The following NCKAP5 variants were observed in gnomAD, a reference collection of about 807,000 sequenced individuals.
NCKAP5 encodes the protein NCK associated protein 5, also known as nck-associated protein 5.
In NCKAP5, 92 loss-of-function variants were observed where a neutral mutation model predicts 167.0. The observed-to-expected ratio is 0.55, with a 90% CI of 0.47 to 0.66. The LOEUF (loss-of-function observed/expected upper bound fraction) is 0.66. NCKAP5 is among the 30% of genes least tolerant of loss of function. The pLI, the probability that NCKAP5 is intolerant of heterozygous loss-of-function variation, is 0.00. For missense variants in NCKAP5, 2,378 were observed against 2,315.0 expected (o/e 1.03, Z -0.56); for synonymous variants, 891 against 877.4 (o/e 1.02, Z -0.27).
chr2:133,431,569 T>C (rs1690163207), intron 3 of NCKAP5: 1 of 152,190 alleles, frequency 6.6e-6, no homozygotes, highest in Non-Finnish European at 1.5e-5. Context: ...TCTGCAGCTG[T>C]AAGCATGAAT....
At chr2:133,247,100 T>TAA (rs767321056) in intron 4 of NCKAP5, among the ~76,000 whole-genome samples, 11 of 152,250 alleles carry the variant, frequency 7.2e-5, no homozygotes, top group Admixed American at 2.0e-4. Flanking sequence ...AAAGTAATGT[T>TAA]AGTTTGTATT....
intron 6 of NCKAP5, among the ~76,000 whole-genome samples, chr2:133,096,205 A>G (rs775216091): frequency 2.0e-5 from 3 of 152,180 alleles, no homozygotes; most frequent in Non-Finnish European, 2.9e-5. Context: ...ATTTCTGATA[A>G]TTAGGCCAGG....
chr2:133,563,407 A>G (rs979275176), intron 1 of NCKAP5, among the ~76,000 whole-genome samples: 1 of 151,958 alleles, frequency 6.6e-6, no homozygotes, highest in Non-Finnish European at 1.5e-5. Context: ...TGTCTCTACT[A>G]AAAATACAAA....
intron 16 of NCKAP5, among the ~76,000 whole-genome samples, chr2:132,758,933 GT>G (rs1412267618): frequency 1.3e-5 from 2 of 152,136 alleles, no homozygotes; most frequent in African/African-American, 4.8e-5. Flanking sequence ...CTTTAACCAT[GT>G]TTTTAAATTA....
At chr2:133,102,490 G>A (rs772134758) in intron 6 of NCKAP5, among the ~76,000 whole-genome samples, 3 of 152,050 alleles carry the variant, frequency 2.0e-5, no homozygotes, top group Non-Finnish European at 4.4e-5. Context: ...AAATGACATA[G>A]GTCAAAGCAT....
At chr2:133,425,854 T>C (rs1689759265) in intron 3 of NCKAP5, among the ~76,000 whole-genome samples, 1 of 151,860 alleles carries the variant, frequency 6.6e-6, no homozygotes, top group Admixed American at 6.6e-5. Flanking sequence ...TCACAGAAAA[T>C]AATTATGCAT....
upstream of NCKAP5, among the ~76,000 whole-genome samples, chr2:133,572,615 G>C (rs1441382166): frequency 6.6e-6 from 1 of 152,164 alleles, no homozygotes; most frequent in Non-Finnish European, 1.5e-5. Flanking sequence ...AATGAGTATT[G>C]TCTGCTGCAG....
At chr2:133,379,562 T>G (rs1686377060) in intron 3 of NCKAP5, among the ~76,000 whole-genome samples, 1 of 152,232 alleles carries the variant, frequency 6.6e-6, no homozygotes, top group South Asian at 2.1e-4. Context: ...AAACACTCCA[T>G]GCCTGTATCT....
At chr2:132,727,843 C>T (rs779436209) in intron 18 of NCKAP5, among the ~76,000 whole-genome samples, 1 of 152,196 alleles carries the variant, frequency 6.6e-6, no homozygotes, top group Non-Finnish European at 1.5e-5. Flanking sequence ...CCCTACTTGT[C>T]CATGGTCCCC....
At chr2:133,584,937 AG>A in the NCKAP5 span, among the ~76,000 whole-genome samples, 1 of 103,114 alleles carries the variant, frequency 9.7e-6, no homozygotes, top group African/African-American at 3.4e-5. Flanking sequence ...GCCAAAAAAA[AG>A]AAAGAAGGAA....
chr2:133,412,807 A>T (rs940484026), intron 3 of NCKAP5, among the ~76,000 whole-genome samples: 1 of 152,208 alleles, frequency 6.6e-6, no homozygotes. Context: ...ATATTTATTT[A>T]AAAAACCTCT....
the NCKAP5 span, among the ~76,000 whole-genome samples, chr2:133,637,993 A>G: frequency 1.3e-5 from 2 of 152,204 alleles, no homozygotes; most frequent in Non-Finnish European, 2.9e-5. Flanking sequence ...CTTCAAAAAT[A>G]TATAGGTTAG....
Position 133,231,376 on chromosome 2 carries a change from C to T in NCKAP5, c.144-17597G>A, listed in dbSNP as rs578086920. Among the ~76,000 whole-genome samples, 5 of 152,198 alleles carry T rather than the reference C, an allele frequency of 3.3e-5. No homozygotes were observed. The South Asian group carries it at 1.0e-3, about 32-fold the overall frequency. Reference sequence around the variant, plus strand: ...AATCAACATATTCACCCTTTGTTACCTAACATCTTACTGGGTTTTAATCTG... The same window carrying T: ...AATCAACATATTCACCCTTTGTTACTTAACATCTTACTGGGTTTTAATCTG... On this transcript the variant is annotated intron_variant, in intron 4 of 19. Coordinates refer to ENST00000409261, the MANE Select transcript of NCKAP5 (RefSeq NM_207363.3).
At chr2:133,187,429 T>A (rs2084996237) in intron 5 of NCKAP5, among the ~76,000 whole-genome samples, 1 of 152,046 alleles carries the variant, frequency 6.6e-6, no homozygotes, top group African/African-American at 2.4e-5. Flanking sequence ...CTGGCATGCA[T>A]CTGCAATCCC....
chr2:133,346,953 C>CTCAACACTCGT (rs2092075440), intron 3 of NCKAP5, among the ~76,000 whole-genome samples: 1 of 152,224 alleles, frequency 6.6e-6, no homozygotes. Context: ...TCGTTGAGGA[C>CTCAACACTCGT]TGAGTGTTGT....
Position 132,727,371 on chromosome 2 carries a change from C to T in NCKAP5, c.5580+1445G>A, listed in dbSNP as rs79539308. On this transcript the variant is annotated intron_variant, in intron 18 of 19. Transcript: ENST00000409261. ...TCAATTTTCTCAATTTGCCAGTTTCCCAATCCTCCCAAAGCCAGCACAGAG... is the reference window on the plus strand; with the variant it reads ...TCAATTTTCTCAATTTGCCAGTTTCTCAATCCTCCCAAAGCCAGCACAGAG... Among the ~76,000 whole-genome samples, 515 of 152,304 alleles carry T rather than the reference C, an allele frequency of 3.4e-3. 6 individuals are homozygous for T. Among genetic ancestry groups the T allele is most frequent in the Non-Finnish European group, 5.6e-3 (381 of 68,030 alleles).
At chr2:133,295,759 C>T (rs139977826) in intron 4 of NCKAP5, among the ~76,000 whole-genome samples, 8 of 152,230 alleles carry the variant, frequency 5.3e-5, no homozygotes, top group Non-Finnish European at 7.4e-5. Context: ...CCCCAAATGT[C>T]GACAGTGCCT....
At chr2:132,673,353 C>G (rs1276252588) in intron 19 of NCKAP5, 48 bp from the exon 20 acceptor site, 1 of 1,340,186 alleles carries the variant, frequency 7.5e-7, no homozygotes, top group African/African-American at 1.5e-5. Context: ...TTTGGAAAAT[C>G]AAGTTATCCT....
At chr2:133,208,190 T>C (rs1035169241) in intron 5 of NCKAP5, among the ~76,000 whole-genome samples, 6 of 151,828 alleles carry the variant, frequency 4.0e-5, no homozygotes, top group Non-Finnish European at 8.8e-5. Context: ...ATAACAAAAA[T>C]TATCTGGGCA....
Sources: allele counts gnomAD v4.1 joint callset (sites outside exome capture counted in the v4.1 genomes callset), GRCh38; gene constraint gnomAD v4.1.1; transcripts MANE v1.5; gene names NCBI Gene and HGNC (gene_info 2026-07-23, HGNC 2026-07-21).